The following CNTN5 variants were observed in gnomAD, a reference collection of about 807,000 sequenced individuals.
CNTN5 encodes the protein contactin-5.
CNTN5 carries 77 observed loss-of-function variants against 129.1 expected under a neutral mutation model. That is an observed-to-expected ratio of 0.60 (90% confidence interval 0.50 to 0.72). The LOEUF is 0.72. Among genes scored for constraint, CNTN5 ranks in the 30% least tolerant of loss-of-function variants. The probability of loss-of-function intolerance (pLI) is 0.00; values close to 1 mark genes in which losing one functional copy is unlikely to be tolerated. For missense variants in CNTN5, 1,478 were observed against 1,328.8 expected, an observed-to-expected ratio of 1.11 and a Z score of -1.75; for synonymous variants, 509 against 465.6, an observed-to-expected ratio of 1.09 and a Z score of -1.20.
intron 2 of CNTN5, among the ~76,000 whole-genome samples, chr11:99,352,016 A>T (rs1170465987): frequency 1.3e-5 from 2 of 152,234 alleles, no homozygotes; most frequent in Admixed American, 6.5e-5. Flanking sequence ...TGACAAGACA[A>T]ATGCCATTAA....
At chr11:99,133,360 TG>T (rs1859042287) in intron 1 of CNTN5, among the ~76,000 whole-genome samples, 1 of 138,876 alleles carries the variant, frequency 7.2e-6, no homozygotes, top group Admixed American at 7.8e-5. Flanking sequence ...GATTTTATGA[TG>T]AAATTGCCAA....
chr11:99,571,239 T>C (rs1325502533), intron 3 of CNTN5, among the ~76,000 whole-genome samples: 6 of 152,292 alleles, frequency 3.9e-5, no homozygotes, highest in East Asian at 1.9e-4. Flanking sequence ...TTTAGACCTG[T>C]AGGTTTTCAA....
At chr11:100,143,856 G>T in intron 13 of CNTN5, among the ~76,000 whole-genome samples, 1 of 152,028 alleles carries the variant, frequency 6.6e-6, no homozygotes, top group East Asian at 1.9e-4. Flanking sequence ...GAGATCAGGT[G>T]GTGTGATTTG....
rs899754505 is a variant in CNTN5, at chr11:99,315,901, A to G, written c.-209-9445A>G. ...TTGAATGATAGAAAGAAGAGACAAT[A>G]GAATGACACAAATTATAGAGTCGAT... On this transcript the variant is annotated intron_variant, in intron 1 of 24. Coordinates refer to ENST00000524871, the MANE Select transcript of CNTN5 (RefSeq NM_014361.4). 1.4e-4 allele frequency among the ~76,000 whole-genome samples: 19 copies of G among 133,622 alleles called. 2 individuals carry two copies. Among genetic ancestry groups the G allele is most frequent in the Admixed American group, 5.1e-4 (7 of 13,794 alleles). 87.7% of individuals were successfully genotyped at this position (133,622 alleles called of 152,430 possible).
intron 19 of CNTN5, 42 bp downstream of exon 19, chr11:100,297,737 G>A: frequency 7.1e-7 from 1 of 1,398,862 alleles, no homozygotes; most frequent in Non-Finnish European, 1.0e-6. Flanking sequence ...CCACGTGTTT[G>A]TTTGGCTTAG....
intron 9 of CNTN5, among the ~76,000 whole-genome samples, chr11:100,038,167 GTC>G (rs1400080972): frequency 1.3e-5 from 2 of 152,006 alleles, no homozygotes; most frequent in Admixed American, 1.3e-4. Context: ...GGTATGTTGT[GTC>G]TTTGTTCTCG....
chr11:99,105,546 T>G (rs12807978), intron 1 of CNTN5, among the ~76,000 whole-genome samples: 72,616 of 151,920 alleles, frequency 0.48, 17,561 homozygotes, highest in East Asian at 0.6. Context: ...GCAGCAACTC[T>G]TAAGAGATCT....
intron 3 of CNTN5, among the ~76,000 whole-genome samples, chr11:99,765,180 T>C (rs1016876303): frequency 1.3e-5 from 2 of 152,056 alleles, no homozygotes; most frequent in African/African-American, 4.8e-5. Flanking sequence ...GTTTCTCTAT[T>C]AGAAAGACTA....
At chr11:100,004,370 T>A (rs190520595) in intron 9 of CNTN5, among the ~76,000 whole-genome samples, 6 of 152,278 alleles carry the variant, frequency 3.9e-5, no homozygotes, top group African/African-American at 1.4e-4. Flanking sequence ...GTTCTTTCCA[T>A]GGGGGCTCTC....
At chr11:99,935,572 A>G (rs553125777) in intron 7 of CNTN5, among the ~76,000 whole-genome samples, 2 of 152,000 alleles carry the variant, frequency 1.3e-5, no homozygotes, top group East Asian at 1.9e-4. Flanking sequence ...GTGTGTGTGT[A>G]TGTATGTATA....
intron 2 of CNTN5, among the ~76,000 whole-genome samples, chr11:99,472,404 G>A (rs1172226849): frequency 1.3e-5 from 2 of 152,044 alleles, no homozygotes; most frequent in Non-Finnish European, 2.9e-5. Flanking sequence ...CAAATTTTGT[G>A]TAGTCTGTTT....
intron 6 of CNTN5, among the ~76,000 whole-genome samples, chr11:99,850,972 G>T (rs1212041789): frequency 6.6e-6 from 1 of 151,984 alleles, no homozygotes; most frequent in Non-Finnish European, 1.5e-5. Context: ...TCCTTAACCG[G>T]AACTAGAATT....
chr11:99,251,363 T>C (rs1159572209), intron 1 of CNTN5, among the ~76,000 whole-genome samples: 1 of 151,860 alleles, frequency 6.6e-6, no homozygotes, highest in Non-Finnish European at 1.5e-5. Context: ...GTGGAAAGTG[T>C]GTGTTGAGGG....
At chr11:99,395,985 C>CA (rs1453621585) in intron 2 of CNTN5, among the ~76,000 whole-genome samples, 1 of 151,802 alleles carries the variant, frequency 6.6e-6, no homozygotes, top group East Asian at 1.9e-4. Context: ...GTGGTGCCTC[C>CA]AGCTTTGTTC....
At chr11:100,293,849 G>A (rs973613401) in intron 18 of CNTN5, among the ~76,000 whole-genome samples, 2 of 151,640 alleles carry the variant, frequency 1.3e-5, no homozygotes, top group African/African-American at 4.8e-5. Flanking sequence ...TTTTCTGGGC[G>A]GGTTGGGGGA....
At chr11:99,520,227 G>A (rs1947224235) in intron 2 of CNTN5, among the ~76,000 whole-genome samples, 1 of 152,064 alleles carries the variant, frequency 6.6e-6, no homozygotes. Flanking sequence ...TAAAGTGAGA[G>A]TTTCCTAAAC....
At chr11:99,501,050 G>C (rs921691622) in intron 2 of CNTN5, among the ~76,000 whole-genome samples, 1 of 152,102 alleles carries the variant, frequency 6.6e-6, no homozygotes, top group Non-Finnish European at 1.5e-5. Flanking sequence ...TCTCTGTTTT[G>C]TGTGTGTTTG....
At chr11:99,858,859 A>G (rs1157127783) in intron 6 of CNTN5, among the ~76,000 whole-genome samples, 1 of 152,062 alleles carries the variant, frequency 6.6e-6, no homozygotes, top group African/African-American at 2.4e-5. Flanking sequence ...TGCTAATAAT[A>G]ATTGATAAGA....
intron 6 of CNTN5, among the ~76,000 whole-genome samples, chr11:99,895,900 G>A (rs58154350): frequency 0.11 from 16,505 of 152,018 alleles, 1,295 homozygotes; most frequent in East Asian, 0.35. Context: ...AATAGATGGC[G>A]CATCCATAGT....
Sources: gnomAD v4.1 joint callset for allele counts (sites outside exome capture counted in the v4.1 genomes callset) on GRCh38, gnomAD v4.1.1 for gene constraint, MANE v1.5 for transcripts, NCBI Gene and HGNC (gene_info 2026-07-23, HGNC 2026-07-21) for gene names.